CDYL2: variants seen among roughly 807,000 people sequenced by gnomAD.
CDYL2 encodes chromodomain Y-like protein 2.
CDYL2 carries 23 observed loss-of-function variants against 49.4 expected under a neutral mutation model. The ratio of observed to expected loss-of-function variants is 0.47; its 90% confidence interval spans 0.34 to 0.66. CDYL2 has a LOEUF of 0.66. Ranked by LOEUF, CDYL2 falls within the 30% of genes least tolerant of loss-of-function variation. The pLI is 0.01. For synonymous variants in CDYL2, 360 were observed against 268.8 expected (o/e 1.34, Z -3.32); for missense variants, 678 against 656.4 (o/e 1.03, Z -0.36).
In CDYL2 at chr16:80,682,359, C is replaced by G. The variant is rs369970260; in HGVS notation, c.616+2179G>C. 6.6e-5 allele frequency among the ~76,000 whole-genome samples: 10 copies of G among 152,300 alleles called. 1 individual carries two copies. The highest frequency in any genetic ancestry group is 2.4e-4 in the African/African-American group (10 of 41,566). On this transcript the variant is annotated intron_variant, in intron 2 of 6. Transcript: ENST00000570137. ...ATTTTGGAGCTAACAGGACAATCAA[C>G]GGATCTCAACAGGTTGGCCCTCACC... is the stretch of plus-strand genomic sequence containing the variant.
At chr16:80,789,489 AC>A (rs1170633787) in intron 1 of CDYL2, among the ~76,000 whole-genome samples, 1 of 152,058 alleles carries the variant, frequency 6.6e-6, no homozygotes, top group African/African-American at 2.4e-5. Flanking sequence ...AATCCCAGCT[AC>A]TCAGGAGGCT....
At chr16:80,768,182 G>A (rs1906788845) in intron 1 of CDYL2, among the ~76,000 whole-genome samples, 1 of 152,082 alleles carries the variant, frequency 6.6e-6, no homozygotes, top group African/African-American at 2.4e-5. Flanking sequence ...GCCACACTGT[G>A]GCCAATGAAG....
intron 3 of CDYL2, among the ~76,000 whole-genome samples, chr16:80,626,348 C>A (rs1907301679): frequency 6.9e-6 from 1 of 144,166 alleles, no homozygotes; most frequent in African/African-American, 2.6e-5. Context: ...CTATAAAAAT[C>A]ATAATACTGA....
intron 1 of CDYL2, among the ~76,000 whole-genome samples, chr16:80,694,455 T>C (rs577737289): frequency 1.6e-3 from 246 of 151,092 alleles, no homozygotes; most frequent in African/African-American, 2.1e-3. Context: ...ATGTAAATAA[T>C]TGATAGGAAA....
At chr16:80,726,840 C>T (rs571105624) in intron 1 of CDYL2, among the ~76,000 whole-genome samples, 1 of 151,714 alleles carries the variant, frequency 6.6e-6, no homozygotes, top group East Asian at 1.9e-4. Flanking sequence ...ATAATCCCAA[C>T]ACTTTGGAGG....
chr16:80,642,362 G>C (rs1041460125), intron 2 of CDYL2, among the ~76,000 whole-genome samples: 1 of 152,142 alleles, frequency 6.6e-6, no homozygotes, highest in African/African-American at 2.4e-5. Context: ...AGAATGGCTT[G>C]AACCAGGAGG....
At position 80,638,988 on chromosome 16, in the gene CDYL2, AC is replaced by A. The variant is rs201132513; in HGVS notation, c.617-5753del. Among the ~76,000 whole-genome samples, 1,432 of 152,330 alleles carry A rather than the reference AC, an allele frequency of 9.4e-3. 16 individuals carry two copies. Among genetic ancestry groups the A allele is most frequent in the African/African-American group, 0.033 (1,367 of 41,578 alleles). On this transcript the variant is annotated intron_variant, in intron 2 of 6. Coordinates refer to ENST00000570137, the MANE Select transcript of CDYL2 (RefSeq NM_152342.4). The stretch of plus-strand genomic sequence containing the variant: ...ATAAAAAATTTTTAAATTGGACATT[AC>A]AAAGAACATAATTTAAACAAAATAA...
intron 1 of CDYL2, among the ~76,000 whole-genome samples, chr16:80,770,896 A>C (rs945938739): frequency 6.6e-6 from 1 of 152,248 alleles, no homozygotes; most frequent in African/African-American, 2.4e-5. Flanking sequence ...GGGAGAAAAC[A>C]GAAAGCCAGG....
At chr16:80,730,899 T>C (rs1429325097) in intron 1 of CDYL2, among the ~76,000 whole-genome samples, 1 of 152,220 alleles carries the variant, frequency 6.6e-6, no homozygotes, top group East Asian at 1.9e-4. Context: ...TGTGAAAATG[T>C]AAACTAATCT....
At chr16:80,748,391 G>C (rs1009559270) in intron 1 of CDYL2, among the ~76,000 whole-genome samples, 2 of 149,174 alleles carry the variant, frequency 1.3e-5, no homozygotes, top group East Asian at 2.0e-4. Context: ...GCCAGGCTTG[G>C]TGGCAGGCGC....
intron 1 of CDYL2, among the ~76,000 whole-genome samples, chr16:80,769,182 G>A (rs1052301375): frequency 5.3e-5 from 8 of 152,184 alleles, no homozygotes; most frequent in African/African-American, 1.7e-4. Context: ...AAGAAATGGA[G>A]GAATTTCAGT....
At chr16:80,763,191 G>C (rs1046565351) in intron 1 of CDYL2, among the ~76,000 whole-genome samples, 3 of 151,576 alleles carry the variant, frequency 2.0e-5, no homozygotes, top group African/African-American at 7.3e-5. Context: ...TTCAGCATTT[G>C]CTAATCCGGT....
intron 1 of CDYL2, among the ~76,000 whole-genome samples, chr16:80,776,642 C>T (rs905055797): frequency 3.3e-5 from 5 of 149,772 alleles, no homozygotes; most frequent in African/African-American, 7.3e-5. Flanking sequence ...TATATTTTAA[C>T]GTACATTTGT....
At chr16:80,765,876 C>CAAAA (rs554710623) in intron 1 of CDYL2, among the ~76,000 whole-genome samples, 17 of 47,096 alleles carry the variant, frequency 3.6e-4, no homozygotes, top group East Asian at 7.6e-4. Flanking sequence ...CCCTCATCTA[C>CAAAA]AAAAAAAAAA....
At chr16:80,729,507 C>T (rs578060631) in intron 1 of CDYL2, among the ~76,000 whole-genome samples, 108 of 152,186 alleles carry the variant, frequency 7.1e-4, no homozygotes, top group South Asian at 5.8e-3. Flanking sequence ...TAATGGGAGA[C>T]TTTAACACCC....
At chr16:80,664,910 G>C (rs558849569) in intron 2 of CDYL2, among the ~76,000 whole-genome samples, 102 of 152,280 alleles carry the variant, frequency 6.7e-4, no homozygotes, top group Non-Finnish European at 1.4e-3. Flanking sequence ...GCTTAGCAAG[G>C]GCTCAGTAAA....
At chr16:80,791,380 C>G (rs961530476) in intron 1 of CDYL2, among the ~76,000 whole-genome samples, 1 of 152,186 alleles carries the variant, frequency 6.6e-6, no homozygotes, top group Non-Finnish European at 1.5e-5. Context: ...GTTTTTGAGT[C>G]TTGCACTGTG....
At chr16:80,742,236 C>T (rs754013438) in intron 1 of CDYL2, 1 of 152,236 alleles carries the variant, frequency 6.6e-6, no homozygotes, top group Non-Finnish European at 1.5e-5. Flanking sequence ...GAAGCATCAA[C>T]ATCAACAGGA....
chr16:80,620,725 G>T (rs374873273), intron 4 of CDYL2, 38 bp downstream of exon 4: 9 of 1,511,468 alleles, frequency 6.0e-6, no homozygotes, highest in South Asian at 1.3e-5. Flanking sequence ...GTAATCCTAC[G>T]CAGGACCCCA....
Sources: allele counts gnomAD v4.1 joint callset (sites outside exome capture counted in the v4.1 genomes callset), GRCh38; gene constraint gnomAD v4.1.1; transcripts MANE v1.5; gene names NCBI Gene and HGNC (gene_info 2026-07-23, HGNC 2026-07-21).